PARD3B: variants seen among roughly 807,000 people sequenced by gnomAD.
PARD3B encodes the protein partitioning defective 3 homolog B.
PARD3B carries 103 observed loss-of-function variants against 130.2 expected under a neutral mutation model. The ratio of observed to expected loss-of-function variants is 0.79; its 90% CI spans 0.67 to 0.93. The LOEUF (loss-of-function observed/expected upper bound fraction) is 0.93. PARD3B is among the 40% of genes least tolerant of loss of function. The pLI, the probability that PARD3B is intolerant of heterozygous loss-of-function variation, is 0.00. For missense variants in PARD3B, 1,609 were observed against 1,499.2 expected, an observed-to-expected ratio of 1.07 and a Z score of -1.21; for synonymous variants, 583 against 553.2, an observed-to-expected ratio of 1.05 and a Z score of -0.76.
chr2:205,521,658 T>A (rs536539075), intron 21 of PARD3B, among the ~76,000 whole-genome samples: 1 of 152,136 alleles, frequency 6.6e-6, no homozygotes, highest in Non-Finnish European at 1.5e-5. Context: ...TGCTGTCTGT[T>A]TTGTCCTTTA....
intron 18 of PARD3B, among the ~76,000 whole-genome samples, chr2:205,374,132 C>A (rs562405632): frequency 2.0e-5 from 3 of 148,038 alleles, no homozygotes; most frequent in African/African-American, 7.5e-5. Flanking sequence ...CTAAGCTTTT[C>A]TTTTTCCTAT....
chr2:204,797,278 CAT>C (rs1478893854), intron 2 of PARD3B, among the ~76,000 whole-genome samples: 15 of 149,702 alleles, frequency 1.0e-4, no homozygotes, highest in South Asian at 4.2e-4. Context: ...AGAATTATAA[CAT>C]ATGAAATAAC....
intron 22 of PARD3B, 64 bp from the exon 23 acceptor site, chr2:205,615,392 C>T (rs1011266239): frequency 3.1e-5 from 44 of 1,397,726 alleles, no homozygotes; most frequent in Admixed American, 4.2e-5. Context: ...GGCTGAGGAA[C>T]ATGTTCTCCA....
chr2:204,808,160 G>T (rs1002290537), intron 2 of PARD3B, among the ~76,000 whole-genome samples: 6 of 152,052 alleles, frequency 3.9e-5, no homozygotes, highest in African/African-American at 1.4e-4. Flanking sequence ...CAAGAAATTT[G>T]TAAGTTTTAA....
intron 16 of PARD3B, among the ~76,000 whole-genome samples, chr2:205,248,601 C>CTTTTTTTTTTTTTT (rs762295338): frequency 1.2e-5 from 1 of 84,654 alleles, no homozygotes; most frequent in Non-Finnish European, 2.2e-5. Flanking sequence ...TCTCACCATT[C>CTTTTTTTTTTTTTT]TTTTTTTTTT....
intron 22 of PARD3B, among the ~76,000 whole-genome samples, chr2:205,574,470 G>C (rs544742529): frequency 1.3e-5 from 2 of 152,150 alleles, no homozygotes; most frequent in African/African-American, 4.8e-5. Flanking sequence ...GCAGCTGGAC[G>C]TGTTTGTTAA....
intron 15 of PARD3B, among the ~76,000 whole-genome samples, chr2:205,194,212 G>A (rs908200259): frequency 3.3e-5 from 5 of 152,148 alleles, no homozygotes; most frequent in Admixed American, 3.3e-4. Flanking sequence ...ATAATCAAAA[G>A]TGCGTGCTCC....
intron 14 of PARD3B, among the ~76,000 whole-genome samples, chr2:205,192,246 A>G (rs1413389524): frequency 6.6e-6 from 1 of 152,064 alleles, no homozygotes; most frequent in Non-Finnish European, 1.5e-5. Flanking sequence ...TATTTTTGCT[A>G]TTGTTTTGTT....
intron 1 of PARD3B, among the ~76,000 whole-genome samples, chr2:204,582,576 G>A (rs1419564648): frequency 6.6e-6 from 1 of 152,122 alleles, no homozygotes; most frequent in Non-Finnish European, 1.5e-5. Flanking sequence ...GCACGGGTGG[G>A]TTTTGTAGAT....
intron 1 of PARD3B, among the ~76,000 whole-genome samples, chr2:204,552,606 A>G (rs1377936509): frequency 3.9e-5 from 6 of 152,172 alleles, no homozygotes; most frequent in Non-Finnish European, 8.8e-5. Context: ...TTCCAATGTT[A>G]TCTTACAGAA....
chr2:205,195,539 C>A (rs569878330), intron 15 of PARD3B, among the ~76,000 whole-genome samples: 3 of 152,310 alleles, frequency 2.0e-5, no homozygotes, highest in African/African-American at 7.2e-5. Flanking sequence ...ATATGAAATT[C>A]ACTTAGGTGA....
At chr2:204,702,662 C>A (rs1184361977) in intron 2 of PARD3B, among the ~76,000 whole-genome samples, 1 of 152,028 alleles carries the variant, frequency 6.6e-6, no homozygotes, top group Non-Finnish European at 1.5e-5. Context: ...GCAACCTCTA[C>A]CTCCTGGGTT....
chr2:205,533,957 A>C (rs183792831), intron 21 of PARD3B, among the ~76,000 whole-genome samples: 34 of 152,144 alleles, frequency 2.2e-4, no homozygotes. Context: ...AATAGAGTCT[A>C]GTAAAAGCAT....
intron 2 of PARD3B, among the ~76,000 whole-genome samples, chr2:204,725,505 A>G (rs1050231010): frequency 6.6e-6 from 1 of 152,186 alleles, no homozygotes; most frequent in African/African-American, 2.4e-5. Flanking sequence ...TGGGAATGCC[A>G]TAAAACTTAA....
At chr2:204,648,627 TATATATAATATATATTATATATATA>T (rs2035359519) in intron 1 of PARD3B, among the ~76,000 whole-genome samples, 1 of 120,716 alleles carries the variant, frequency 8.3e-6, no homozygotes, top group African/African-American at 3.2e-5. Context: ...TACTATAATT[TATATATAATATATATTATATATATA>T]ATATATTTAT....
At chr2:204,833,159 A>G (rs1461309101) in intron 2 of PARD3B, among the ~76,000 whole-genome samples, 1 of 152,224 alleles carries the variant, frequency 6.6e-6, no homozygotes, top group African/African-American at 2.4e-5. Flanking sequence ...CAGCAATTTC[A>G]TCTTGCAAAA....
At chr2:204,999,021 G>A (rs1003345461) in intron 3 of PARD3B, among the ~76,000 whole-genome samples, 9 of 151,896 alleles carry the variant, frequency 5.9e-5, no homozygotes, top group African/African-American at 2.2e-4. Flanking sequence ...AATTAAACTG[G>A]CACTTCTAGA....
At chr2:204,870,043 CT>C (rs1478835358) in intron 2 of PARD3B, among the ~76,000 whole-genome samples, 1 of 152,170 alleles carries the variant, frequency 6.6e-6, no homozygotes, top group Non-Finnish European at 1.5e-5. Context: ...TTTCTACCCT[CT>C]TCCAGACCTG....
rs1559617167 is a variant in PARD3B, at chr2:205,280,164, G to T, written c.2186-20366G>T. 6.6e-6 allele frequency among the ~76,000 whole-genome samples: 1 copy of T among 152,060 alleles called. No individual in the cohort carries two copies. The highest frequency in any genetic ancestry group is 1.5e-5 in the Non-Finnish European group (1 of 67,994). ...TAGCTCTCATATAATACCTTTCAGG[G>T]AAAAAAATTGCTTTAGGACAAAATA... On this transcript the variant is annotated intron_variant, in intron 16 of 22. Transcript: ENST00000406610. The surrounding 1 kb of genome is among the most constrained non-coding windows in gnomAD (Gnocchi z 4.7).
Sources: gnomAD v4.1 joint callset for allele counts (sites outside exome capture counted in the v4.1 genomes callset) on GRCh38, gnomAD v4.1.1 for gene constraint, Gnocchi (gnomAD v3.1) non-coding constraint, MANE v1.5 for transcripts, NCBI Gene and HGNC (gene_info 2026-07-23, HGNC 2026-07-21) for gene names.